GDAP1: variants seen among roughly 807,000 people sequenced by gnomAD.
The protein encoded by GDAP1 is ganglioside-induced differentiation-associated protein 1.
A neutral mutation model predicts 40.1 loss-of-function variants in GDAP1; 34 were observed. That is an observed-to-expected ratio of 0.85 (90% CI 0.64 to 1.13). GDAP1 has a LOEUF of 1.13. Among genes scored for constraint, GDAP1 ranks in the 50% most tolerant of loss-of-function variants. The probability of loss-of-function intolerance (pLI) is 0.00; values close to 1 mark genes in which losing one functional copy is unlikely to be tolerated. For synonymous variants in GDAP1, 170 were observed against 157.4 expected (o/e 1.08, Z -0.60); for missense variants, 374 against 433.7 (o/e 0.86, Z 1.22).
intron 2 of GDAP1, among the ~76,000 whole-genome samples, chr8:74,431,545 G>A (rs1198166580): frequency 3.3e-5 from 5 of 151,950 alleles, no homozygotes; most frequent in African/African-American, 1.2e-4. Context: ...ACAGTGGCTG[G>A]ATCTCCGCTC....
chr8:74,474,879 G>T (rs926933819), intron 2 of GDAP1, among the ~76,000 whole-genome samples: 1 of 152,040 alleles, frequency 6.6e-6, no homozygotes, highest in Non-Finnish European at 1.5e-5. Flanking sequence ...CAGCTCTTTT[G>T]TACATCTGGT....
chr8:74,397,251 T>C (rs549282573), intron 2 of GDAP1, among the ~76,000 whole-genome samples: 1 of 151,800 alleles, frequency 6.6e-6, no homozygotes, highest in East Asian at 1.9e-4. Flanking sequence ...AGATTCTGGA[T>C]ATTAGCCCTT....
At chr8:74,398,216 G>T (rs1440770355) in intron 2 of GDAP1, among the ~76,000 whole-genome samples, 1 of 152,166 alleles carries the variant, frequency 6.6e-6, no homozygotes, top group Non-Finnish European at 1.5e-5. Flanking sequence ...GTACCATTAT[G>T]TAATGGCCTT....
intron 2 of GDAP1, among the ~76,000 whole-genome samples, chr8:74,462,345 C>T (rs994834848): frequency 1.1e-4 from 17 of 152,254 alleles, no homozygotes; most frequent in African/African-American, 3.1e-4. Flanking sequence ...AAGAGCTATT[C>T]GCATTAATTT....
At chr8:74,428,468 TG>T (rs759997453) in intron 2 of GDAP1, among the ~76,000 whole-genome samples, 157 of 150,492 alleles carry the variant, frequency 1.0e-3, no homozygotes, top group Non-Finnish European at 1.5e-3. Flanking sequence ...TTGATTGTTT[TG>T]TTTTTTTTTT....
At chr8:74,359,416 T>C (rs558884962) in intron 2 of GDAP1, among the ~76,000 whole-genome samples, 2 of 152,350 alleles carry the variant, frequency 1.3e-5, no homozygotes, top group South Asian at 4.1e-4. Context: ...ACAGTTTGGA[T>C]TTTAACTAGC....
chr8:74,421,009 G>A (rs994112812), intron 2 of GDAP1, among the ~76,000 whole-genome samples: 1 of 151,896 alleles, frequency 6.6e-6, no homozygotes, highest in Non-Finnish European at 1.5e-5. Flanking sequence ...TCATAGCTCT[G>A]GGATAATCAG....
At chr8:74,439,513 A>G (rs1421485736) in intron 2 of GDAP1, among the ~76,000 whole-genome samples, 2 of 152,062 alleles carry the variant, frequency 1.3e-5, no homozygotes, top group East Asian at 3.8e-4. Context: ...TATATTTTAT[A>G]ATAGGTCTTC....
intron 2 of GDAP1, among the ~76,000 whole-genome samples, chr8:74,359,787 A>G (rs748851161): frequency 6.6e-6 from 1 of 152,250 alleles, no homozygotes; most frequent in African/African-American, 2.4e-5. Context: ...GTAATGTGTT[A>G]TGGATGTATA....
chr8:74,488,260 C>T (rs1332174755), intron 2 of GDAP1, among the ~76,000 whole-genome samples: 4 of 152,120 alleles, frequency 2.6e-5, no homozygotes, highest in Admixed American at 6.6e-5. Flanking sequence ...TCTTTTTCTA[C>T]GGAAGTTATT....
At chr8:74,363,934 C>CTA (rs767720295) in intron 5 of GDAP1, 51 bp from the exon 6 acceptor site, 58 of 1,534,084 alleles carry the variant, frequency 3.8e-5, no homozygotes, top group Non-Finnish European at 4.8e-5. Flanking sequence ...CAGCTGGAGT[C>CTA]TGTCTGTAGA....
intron 2 of GDAP1, among the ~76,000 whole-genome samples, chr8:74,430,126 A>G (rs886774716): frequency 6.6e-6 from 1 of 152,232 alleles, no homozygotes; most frequent in Non-Finnish European, 1.5e-5. Context: ...CAAATTAAAT[A>G]CAACGAATAC....
intron 2 of GDAP1, among the ~76,000 whole-genome samples, chr8:74,423,789 T>G (rs563419832): frequency 6.6e-6 from 1 of 152,208 alleles, no homozygotes; most frequent in Admixed American, 6.6e-5. Context: ...CCCCAAATTA[T>G]GAGTTTGGGA....
intron 1 of GDAP1, 110 bp from the exon 2 acceptor site, chr8:74,351,164 G>T: frequency 1.2e-6 from 1 of 854,462 alleles, no homozygotes. Context: ...AACGACTGTT[G>T]AAAATGTCGG....
intron 2 of GDAP1, among the ~76,000 whole-genome samples, chr8:74,397,389 T>G (rs1465997866): frequency 3.3e-5 from 5 of 152,234 alleles, no homozygotes; most frequent in African/African-American, 9.6e-5. Context: ...TTTTGGCTTT[T>G]GTTGCCGTTG....
chr8:74,429,314 A>G (rs1042908322), intron 2 of GDAP1, among the ~76,000 whole-genome samples: 1 of 152,034 alleles, frequency 6.6e-6, no homozygotes, highest in African/African-American at 2.4e-5. Flanking sequence ...AAATATATAT[A>G]TAATAAAAAA....
intron 2 of GDAP1, among the ~76,000 whole-genome samples, chr8:74,356,519 G>A (rs1809097338): frequency 1.3e-5 from 2 of 151,688 alleles, no homozygotes; most frequent in African/African-American, 4.8e-5. Flanking sequence ...ATTTGACACC[G>A]GGTCTTTTTG....
chr8:74,477,271 A>G (rs1244709116), intron 2 of GDAP1, among the ~76,000 whole-genome samples: 1 of 152,042 alleles, frequency 6.6e-6, no homozygotes, highest in Non-Finnish European at 1.5e-5. Flanking sequence ...ACCAGATTCC[A>G]TATTTTTGAT....
At chr8:74,351,599 C>A in intron 2 of GDAP1, 133 bp downstream of exon 2, 1 of 792,264 alleles carries the variant, frequency 1.3e-6, no homozygotes. Flanking sequence ...AAACCTTTTC[C>A]ATTTCCATAA....
Sources: gnomAD v4.1 joint callset for allele counts (sites outside exome capture counted in the v4.1 genomes callset) on GRCh38, gnomAD v4.1.1 for gene constraint, MANE v1.5 for transcripts, NCBI Gene and HGNC (gene_info 2026-07-23, HGNC 2026-07-21) for gene names.